The following IQSEC1 variants were observed in gnomAD, a reference collection of about 807,000 sequenced individuals.
The protein encoded by IQSEC1 is IQ motif and Sec7 domain ArfGEF 1.
IQSEC1 carries 31 observed loss-of-function variants against 91.0 expected under a neutral mutation model. That is an observed-to-expected ratio of 0.34 (90% confidence interval 0.26 to 0.46). The LOEUF (loss-of-function observed/expected upper bound fraction) is 0.46, where lower values mean the gene tolerates loss of function less well. Ranked by LOEUF, IQSEC1 falls within the 20% of genes least tolerant of loss-of-function variation. The probability of loss-of-function intolerance (pLI) is 1.00; values close to 1 mark genes in which losing one functional copy is unlikely to be tolerated. For missense variants in IQSEC1, 1,388 were observed against 1,575.6 expected, an observed-to-expected ratio of 0.88 and a Z score of 2.02; for synonymous variants, 699 against 662.6, an observed-to-expected ratio of 1.05 and a Z score of -0.84.
intron 1 of IQSEC1, among the ~76,000 whole-genome samples, chr3:12,993,371 C>A (rs1158212800): frequency 1.3e-5 from 2 of 152,078 alleles, no homozygotes; most frequent in Non-Finnish European, 2.9e-5. Flanking sequence ...TGGCTCCCAG[C>A]GAATTCCTGA....
chr3:13,105,248 C>T (rs1317385142), intron 2 of IQSEC1, among the ~76,000 whole-genome samples: 1 of 152,168 alleles, frequency 6.6e-6, no homozygotes, highest in African/African-American at 2.4e-5. Context: ...GCCCTGATCC[C>T]CTCCCCTCCA....
At chr3:12,951,541 G>C (rs1481647471) in intron 1 of IQSEC1, among the ~76,000 whole-genome samples, 1 of 152,238 alleles carries the variant, frequency 6.6e-6, no homozygotes, top group Non-Finnish European at 1.5e-5. Flanking sequence ...GGCTGTTCTA[G>C]TGCCGGTCAG....
chr3:13,123,590 G>T (rs1192911269), intron 2 of IQSEC1, among the ~76,000 whole-genome samples: 1 of 152,212 alleles, frequency 6.6e-6, no homozygotes, highest in Non-Finnish European at 1.5e-5. Context: ...TGAAACTTTA[G>T]GTACCCAAGT....
chr3:13,271,799 A>C (rs775955622), intron 1 of IQSEC1, among the ~76,000 whole-genome samples: 5 of 152,236 alleles, frequency 3.3e-5, no homozygotes, highest in Non-Finnish European at 5.9e-5. Flanking sequence ...TTTCTCAAAA[A>C]AACTATAATT....
chr3:12,899,238 C>T lies in IQSEC1; in HGVS notation c.*1745G>A. On this transcript the variant is annotated 3_prime_UTR_variant, in exon 14 of 14. Coordinates refer to ENST00000613206, the MANE Select transcript of IQSEC1 (RefSeq NM_001134382.3). ...CAAGGTGACACACAGCCAGAGGGGG[C>T]TCCCCTCTCCTCCTGCCGTCCGGCC... The T allele has an allele frequency of 3.7e-6, 3 of 802,978 alleles. No individual in the cohort carries two copies. Among genetic ancestry groups the T allele is most frequent in the East Asian group, 2.7e-5 (1 of 36,608 alleles). 49.7% of individuals were successfully genotyped at this position (802,978 alleles called of 1,614,324 possible). A position where few individuals can be genotyped will look rare whatever the true frequency, so the allele number is the denominator to read the frequency against.
At chr3:13,068,455 G>T (rs1705309117) in intron 1 of IQSEC1, among the ~76,000 whole-genome samples, 1 of 152,230 alleles carries the variant, frequency 6.6e-6, no homozygotes, top group Non-Finnish European at 1.5e-5. Flanking sequence ...CAGAGGCAGT[G>T]GCCAGGCCTC....
intron 2 of IQSEC1, among the ~76,000 whole-genome samples, chr3:13,146,356 A>C (rs1042929362): frequency 7.2e-5 from 11 of 152,170 alleles, no homozygotes; most frequent in African/African-American, 2.7e-4. Flanking sequence ...GTTCACCCCA[A>C]GTCTCTGTCT....
intron 1 of IQSEC1, chr3:13,021,973 C>T (rs1703419876): frequency 1.7e-6 from 2 of 1,142,870 alleles, no homozygotes; most frequent in African/African-American, 1.6e-5. Flanking sequence ...TACAGCCATG[C>T]AAACCATCCG....
At chr3:13,226,449 C>T (rs1006688553) in intron 1 of IQSEC1, among the ~76,000 whole-genome samples, 18 of 152,182 alleles carry the variant, frequency 1.2e-4, no homozygotes, top group African/African-American at 3.4e-4. Flanking sequence ...AGGACACATC[C>T]GGGAACAAAA....
chr3:12,911,746 CAG>C lies in IQSEC1; in HGVS notation c.2317-20_2317-19del. 1 of 1,551,090 alleles carries C rather than the reference CAG, an allele frequency of 6.4e-7. No homozygotes were observed. Among genetic ancestry groups the C allele is most frequent in the South Asian group, 1.1e-5 (1 of 89,928 alleles). Reference sequence around the variant, plus strand: ...TTGGTGACCTAGAGGCAGCCAGAGACAGAGCTGAGCTACAGTGTCTCGGGGGG... The same window carrying C: ...TTGGTGACCTAGAGGCAGCCAGAGACAGCTGAGCTACAGTGTCTCGGGGGG... On this transcript the variant is annotated intron_variant, in intron 9 of 13. Coordinates refer to ENST00000613206, the MANE Select transcript of IQSEC1 (RefSeq NM_001134382.3).
intron 2 of IQSEC1, among the ~76,000 whole-genome samples, chr3:13,110,773 C>A (rs1002845842): frequency 1.3e-5 from 2 of 152,216 alleles, no homozygotes; most frequent in African/African-American, 4.8e-5. Flanking sequence ...CAGCCTCAGC[C>A]GCCTGAGATT....
At chr3:13,199,141 C>A (rs752524098) in intron 1 of IQSEC1, among the ~76,000 whole-genome samples, 189 of 152,296 alleles carry the variant, frequency 1.2e-3, no homozygotes, top group Non-Finnish European at 2.2e-3. Context: ...CACAACATGG[C>A]AGTGAAAAAG....
At chr3:13,079,747 G>A (rs1048571592) in intron 2 of IQSEC1, among the ~76,000 whole-genome samples, 9 of 152,158 alleles carry the variant, frequency 5.9e-5, no homozygotes, top group Admixed American at 1.3e-4. Flanking sequence ...AGTTTGAAGC[G>A]GGCTCACTGT....
intron 2 of IQSEC1, among the ~76,000 whole-genome samples, chr3:13,097,155 C>T (rs1291618223): frequency 3.3e-5 from 5 of 152,298 alleles, no homozygotes; most frequent in African/African-American, 7.2e-5. Flanking sequence ...CCACCGCGCC[C>T]GGCCTAGGCC....
intron 2 of IQSEC1, among the ~76,000 whole-genome samples, chr3:13,090,612 G>A (rs568128299): frequency 1.2e-4 from 18 of 152,318 alleles, no homozygotes; most frequent in Admixed American, 8.5e-4. Context: ...GCAGGTCCTG[G>A]TAGAGGTAGG....
intron 2 of IQSEC1, among the ~76,000 whole-genome samples, chr3:13,132,837 C>T (rs1056203345): frequency 6.6e-6 from 1 of 152,218 alleles, no homozygotes; most frequent in African/African-American, 2.4e-5. Context: ...CACAGGGCAT[C>T]CTGAGCTCAA....
rs199805995 is a variant in IQSEC1, at chr3:12,902,854, C to T, written c.2756-32G>A. 3,264 of 1,575,562 alleles carry T rather than the reference C, an allele frequency of 2.1e-3. 3 individuals are homozygous for T. The highest frequency in any genetic ancestry group is 2.6e-3 in the Non-Finnish European group (2,970 of 1,145,276). On this transcript the variant is annotated intron_variant, in intron 12 of 13. Coordinates refer to ENST00000613206, the MANE Select transcript of IQSEC1 (RefSeq NM_001134382.3). ...AGAACATGCAATACCAGAAGTTAGA[C>T]GCGGACATGAGGCTGGGGGTGCTGC...
chr3:13,215,173 G>A lies in IQSEC1; in HGVS notation c.273-51040C>T, dbSNP rs544860740. 5.5e-4 allele frequency among the ~76,000 whole-genome samples: 83 copies of A among 152,254 alleles called. 1 individual carries two copies. The highest frequency in any genetic ancestry group is 1.8e-3 in the African/African-American group (75 of 41,544). On this transcript the variant is annotated intron_variant, in intron 1 of 15. Coordinates refer to the IQSEC1 transcript ENST00000648114. ...CTGCAGTACACAAGACAGGAGCATGGAGGAAAATCAAACCAAGCCTCCGCC... is the reference window on the plus strand; with the variant it reads ...CTGCAGTACACAAGACAGGAGCATGAAGGAAAATCAAACCAAGCCTCCGCC...
intron 1 of IQSEC1, among the ~76,000 whole-genome samples, chr3:12,968,124 C>T (rs1700727412): frequency 6.6e-6 from 1 of 152,206 alleles, no homozygotes; most frequent in Admixed American, 6.5e-5. Context: ...AGCGCCAAAC[C>T]CCCAACCAGA....
Sources: allele counts gnomAD v4.1 joint callset (sites outside exome capture counted in the v4.1 genomes callset), GRCh38; gene constraint gnomAD v4.1.1; transcripts MANE v1.5; gene names NCBI Gene and HGNC (gene_info 2026-07-23, HGNC 2026-07-21).